The following RHEX variants were observed in gnomAD, a reference collection of about 807,000 sequenced individuals.
RHEX encodes regulator of hemoglobinization and erythroid cell expansion.
Under a neutral mutation model 20.1 loss-of-function variants are expected in RHEX, and 18 were observed. The ratio of observed to expected loss-of-function variants is 0.90; its 90% CI spans 0.62 to 1.33. RHEX has a LOEUF of 1.33. RHEX is among the 40% of genes most tolerant of loss of function. The pLI is 0.00. For missense variants in RHEX, 192 were observed against 214.3 expected (o/e 0.90, Z 0.65); for synonymous variants, 87 against 77.1 (o/e 1.13, Z -0.67).
intron 1 of RHEX, among the ~76,000 whole-genome samples, chr1:206,093,683 C>A (rs1663006710): frequency 6.6e-6 from 1 of 152,122 alleles, no homozygotes; most frequent in Non-Finnish European, 1.5e-5. Flanking sequence ...AAGTGGGCAT[C>A]TTTTTATTCT....
chr1:206,085,239 A>G (rs577416264), intron 1 of RHEX, among the ~76,000 whole-genome samples: 2 of 152,318 alleles, frequency 1.3e-5, no homozygotes, highest in East Asian at 1.9e-4. Context: ...AGTGTTACAC[A>G]TTGAAATGCT....
chr1:206,096,190 A>T (rs1663065307), intron 1 of RHEX, among the ~76,000 whole-genome samples: 1 of 152,198 alleles, frequency 6.6e-6, no homozygotes, highest in Non-Finnish European at 1.5e-5. Flanking sequence ...TTTGACTACA[A>T]ATGTCTACTA....
intron 1 of RHEX, among the ~76,000 whole-genome samples, chr1:206,054,273 G>A (rs981637007): frequency 7.9e-5 from 12 of 152,184 alleles, no homozygotes; most frequent in East Asian, 7.7e-4. Context: ...AAGAATTGTC[G>A]GCAAAAGTCG....
In RHEX at chr1:206,060,274, T is replaced by C. The variant is rs192328121; in HGVS notation, c.-97+7009T>C. 3.9e-5 allele frequency: 6 copies of C among 152,070 alleles called. No homozygotes were observed. The South Asian group carries it at 6.2e-4, about 16-fold the overall frequency. 9.4% of individuals were successfully genotyped at this position (152,070 alleles called of 1,614,324 possible). On this transcript the variant is annotated intron_variant, in intron 1 of 5. Coordinates refer to ENST00000331555, the MANE Select transcript of RHEX (RefSeq NM_001007544.4). Reference sequence around the variant, plus strand: ...CAAGATAATGAATGTGCCCAATATATACTAAGTTCACAATAAACAGTAGCT... The same window carrying C: ...CAAGATAATGAATGTGCCCAATATACACTAAGTTCACAATAAACAGTAGCT...
At chr1:206,078,786 G>T (rs1184979955) in intron 1 of RHEX, among the ~76,000 whole-genome samples, 1 of 152,016 alleles carries the variant, frequency 6.6e-6, no homozygotes, top group East Asian at 1.9e-4. Flanking sequence ...GAGGTGCCTG[G>T]GGGGGCAAGA....
intron 1 of RHEX, among the ~76,000 whole-genome samples, chr1:206,085,055 C>A (rs1348576727): frequency 6.6e-6 from 1 of 152,076 alleles, no homozygotes; most frequent in Non-Finnish European, 1.5e-5. Flanking sequence ...CTGAATCAGT[C>A]GAGTCCCTTA....
intron 1 of RHEX, among the ~76,000 whole-genome samples, chr1:206,064,269 T>C (rs1571854478): frequency 8.8e-6 from 1 of 113,482 alleles, no homozygotes; most frequent in Admixed American, 9.2e-5. Context: ...GTGGGGGGGG[T>C]CAGCCCCCCG....
chr1:206,080,527 A>G (rs1662714711), intron 1 of RHEX, among the ~76,000 whole-genome samples: 1 of 152,162 alleles, frequency 6.6e-6, no homozygotes. Flanking sequence ...GTGGGGTAGG[A>G]GGTGAAAGTG....
At chr1:206,074,286 G>A (rs1313280953) in intron 1 of RHEX, among the ~76,000 whole-genome samples, 1 of 152,192 alleles carries the variant, frequency 6.6e-6, no homozygotes, top group African/African-American at 2.4e-5. Context: ...ATAGCATGAG[G>A]ATGGGGACAA....
chr1:206,060,038 A>G (rs1662279856), intron 1 of RHEX, among the ~76,000 whole-genome samples: 1 of 152,162 alleles, frequency 6.6e-6, no homozygotes, highest in African/African-American at 2.4e-5. Context: ...AGAATGGTAG[A>G]GCTCTGGAGT....
At chr1:206,091,697 C>T (rs1272728687) in intron 1 of RHEX, among the ~76,000 whole-genome samples, 3 of 152,136 alleles carry the variant, frequency 2.0e-5, no homozygotes, top group African/African-American at 7.2e-5. Flanking sequence ...TCTTCCTAAG[C>T]CTTAGTTTCC....
chr1:206,068,791 G>A (rs1553284404), intron 1 of RHEX, among the ~76,000 whole-genome samples: 2 of 152,182 alleles, frequency 1.3e-5, no homozygotes, highest in Non-Finnish European at 2.9e-5. Flanking sequence ...AAGGTACTTT[G>A]TGAATATCCA....
chr1:206,081,263 T>G (rs1662730751), intron 1 of RHEX, among the ~76,000 whole-genome samples: 1 of 152,150 alleles, frequency 6.6e-6, no homozygotes, highest in South Asian at 2.1e-4. Flanking sequence ...CAAACATGTA[T>G]CGAGTACATA....
At chr1:206,092,186 A>T (rs1662968097) in intron 1 of RHEX, among the ~76,000 whole-genome samples, 1 of 151,946 alleles carries the variant, frequency 6.6e-6, no homozygotes. Flanking sequence ...AGCCTCCCAA[A>T]GTGCTAGGAT....
At position 206,067,984 on chromosome 1, in the gene RHEX, A is replaced by T. The variant is rs542112421; in HGVS notation, c.-97+14719A>T. 1.4e-3 allele frequency among the ~76,000 whole-genome samples: 219 copies of T among 152,278 alleles called. 1 individual carries two copies. Among genetic ancestry groups the T allele is most frequent in the Admixed American group, 6.3e-3 (96 of 15,304 alleles). On this transcript the variant is annotated intron_variant, in intron 1 of 5. Coordinates refer to ENST00000331555, the MANE Select transcript of RHEX (RefSeq NM_001007544.4). The surrounding 1 kb of genome is among the most constrained non-coding windows in gnomAD (Gnocchi z 4.6). ...AATACGTACTCCATGGCTCCATTCC[A>T]CTTACGGGGACTGGAGTGGGGAGGA...
chr1:206,059,203 C>T (rs1421896979), intron 1 of RHEX, among the ~76,000 whole-genome samples: 1 of 152,154 alleles, frequency 6.6e-6, no homozygotes, highest in African/African-American at 2.4e-5. Context: ...TGGTTCATGA[C>T]TGGCACCATG....
chr1:206,073,731 C>G (rs1662577783), intron 1 of RHEX, among the ~76,000 whole-genome samples: 1 of 152,144 alleles, frequency 6.6e-6, no homozygotes, highest in Non-Finnish European at 1.5e-5. Context: ...GGAATTCTCT[C>G]CTTCCCACCT....
intron 1 of RHEX, among the ~76,000 whole-genome samples, chr1:206,066,756 T>C (rs1355285651): frequency 6.6e-6 from 1 of 152,252 alleles, no homozygotes; most frequent in Non-Finnish European, 1.5e-5. Context: ...CAGTAGGTTA[T>C]AGGACAATCT....
At chr1:206,096,775 T>TG (rs200817391) in intron 1 of RHEX, among the ~76,000 whole-genome samples, 2,158 of 143,216 alleles carry the variant, frequency 0.015, 65 homozygotes, top group African/African-American at 0.057. Context: ...GTTTTTTTTT[T>TG]TTTTGGTTTT....
Sources: allele counts gnomAD v4.1 joint callset (sites outside exome capture counted in the v4.1 genomes callset), GRCh38; gene constraint gnomAD v4.1.1; non-coding constraint Gnocchi (gnomAD v3.1); transcripts MANE v1.5; gene names NCBI Gene and HGNC (gene_info 2026-07-23, HGNC 2026-07-21).